Variants in SGCZ observed in about 807,000 individuals in gnomAD.
The protein encoded by SGCZ is sarcoglycan zeta.
SGCZ carries 40 observed loss-of-function variants against 41.3 expected under a neutral mutation model. The observed-to-expected ratio is 0.97, with a 90% CI of 0.75 to 1.26. The LOEUF is 1.26. Among genes scored for constraint, SGCZ ranks in the 50% most tolerant of loss-of-function variants. SGCZ has a pLI of 0.00. For synonymous variants in SGCZ, 206 were observed against 137.5 expected (o/e 1.50, Z -3.49); for missense variants, 552 against 369.8 (o/e 1.49, Z -4.04).
intron 1 of SGCZ, among the ~76,000 whole-genome samples, chr8:14,726,320 ATATC>A (rs747483002): frequency 0.016 from 2,119 of 130,330 alleles, 84 homozygotes; most frequent in African/African-American, 0.061. Flanking sequence ...ACATATATAT[ATATC>A]TATATATATA....
intron 3 of SGCZ, among the ~76,000 whole-genome samples, chr8:14,272,106 C>T (rs562909144): frequency 2.0e-5 from 3 of 152,092 alleles, no homozygotes; most frequent in East Asian, 1.9e-4. Flanking sequence ...CAGGTTCAAG[C>T]GATTCTCCTG....
intron 5 of SGCZ, among the ~76,000 whole-genome samples, chr8:14,117,595 A>G (rs1170182944): frequency 4.0e-5 from 6 of 151,796 alleles, no homozygotes; most frequent in Non-Finnish European, 8.8e-5. Flanking sequence ...TGAAGTTTTT[A>G]TTATCATACT....
intron 1 of SGCZ, among the ~76,000 whole-genome samples, chr8:14,860,337 A>G (rs139957790): frequency 2.6e-5 from 4 of 151,946 alleles, no homozygotes; most frequent in Non-Finnish European, 5.9e-5. Flanking sequence ...CTGATGCATC[A>G]CCACCATCTA....
At chr8:14,607,379 C>G (rs543978847) in intron 1 of SGCZ, among the ~76,000 whole-genome samples, 57 of 152,232 alleles carry the variant, frequency 3.7e-4, no homozygotes, top group African/African-American at 1.3e-3. Flanking sequence ...TTATGAATCT[C>G]TTTTCTAAAG....
intron 2 of SGCZ, among the ~76,000 whole-genome samples, chr8:14,482,599 C>T (rs12549206): frequency 0.73 from 111,527 of 151,950 alleles, 41,845 homozygotes; most frequent in East Asian, 0.95. Context: ...TTACAGGATG[C>T]CCAGATAGTG....
intron 2 of SGCZ, among the ~76,000 whole-genome samples, chr8:14,478,567 T>C (rs1420144049): frequency 6.6e-6 from 1 of 151,278 alleles, no homozygotes; most frequent in Non-Finnish European, 1.5e-5. Flanking sequence ...CAGACGATTT[T>C]TAGGGCAGTG....
At chr8:14,598,491 C>A (rs2410199) in intron 1 of SGCZ, among the ~76,000 whole-genome samples, 90,312 of 147,746 alleles carry the variant, frequency 0.61, 26,986 homozygotes, top group South Asian at 0.74. Context: ...CTCTCTCTCT[C>A]TATATATATA....
At chr8:14,276,782 G>A (rs531534343) in intron 3 of SGCZ, among the ~76,000 whole-genome samples, 130 of 152,254 alleles carry the variant, frequency 8.5e-4, no homozygotes, top group Middle Eastern at 6.8e-3. Flanking sequence ...ATAGGGTCTG[G>A]AGGCAGGAAA....
chr8:14,096,206 T>C (rs1029811029), intron 7 of SGCZ, among the ~76,000 whole-genome samples: 1 of 152,172 alleles, frequency 6.6e-6, no homozygotes. Context: ...TGCTTCCAGT[T>C]TTTGCCCATT....
At chr8:14,629,204 T>C (rs1806563094) in intron 1 of SGCZ, among the ~76,000 whole-genome samples, 1 of 152,158 alleles carries the variant, frequency 6.6e-6, no homozygotes. Context: ...AGCCTTCCAA[T>C]ACTTTGATTA....
At chr8:14,803,684 G>C (rs897578506) in intron 1 of SGCZ, among the ~76,000 whole-genome samples, 26 of 152,072 alleles carry the variant, frequency 1.7e-4, no homozygotes, top group Non-Finnish European at 3.5e-4. Flanking sequence ...GCTTGCTTAG[G>C]TAAACAAAGC....
intron 1 of SGCZ, among the ~76,000 whole-genome samples, chr8:14,578,396 C>T (rs118101198): frequency 6.6e-6 from 1 of 152,178 alleles, no homozygotes; most frequent in African/African-American, 2.4e-5. Context: ...TCTTCCTCAC[C>T]CCTTTGCAAG....
At chr8:14,594,269 T>G (rs1022953392) in intron 1 of SGCZ, among the ~76,000 whole-genome samples, 1 of 151,904 alleles carries the variant, frequency 6.6e-6, no homozygotes, top group Non-Finnish European at 1.5e-5. Flanking sequence ...CCTCCCAAGT[T>G]TGACTTGACA....
At chr8:14,930,416 A>AAGACAGT (rs1799891563) in intron 1 of SGCZ, among the ~76,000 whole-genome samples, 1 of 152,098 alleles carries the variant, frequency 6.6e-6, no homozygotes, top group African/African-American at 2.4e-5. Flanking sequence ...ACCATTGTGG[A>AAGACAGT]AGACAGTGTG....
intron 1 of SGCZ, among the ~76,000 whole-genome samples, chr8:14,622,274 G>A (rs891540106): frequency 6.6e-6 from 1 of 152,158 alleles, no homozygotes; most frequent in Non-Finnish European, 1.5e-5. Flanking sequence ...GTTAAATGTG[G>A]CTGACAAGAC....
chr8:15,157,265 G>A (rs1017591423), intron 1 of SGCZ, among the ~76,000 whole-genome samples: 1 of 151,788 alleles, frequency 6.6e-6, no homozygotes, highest in Non-Finnish European at 1.5e-5. Context: ...AGGCAGGGTG[G>A]CTCATGCCTG....
At chr8:15,158,852 G>C (rs1799411961) in intron 1 of SGCZ, among the ~76,000 whole-genome samples, 2 of 152,150 alleles carry the variant, frequency 1.3e-5, no homozygotes, top group African/African-American at 2.4e-5. Flanking sequence ...ATTATGTGAA[G>C]TCTAAACTCA....
At chr8:15,015,747 G>A (rs1407907598) in intron 1 of SGCZ, among the ~76,000 whole-genome samples, 2 of 150,290 alleles carry the variant, frequency 1.3e-5, no homozygotes, top group South Asian at 2.1e-4. Flanking sequence ...GTGTGTGTGT[G>A]TGTGTGTGTG....
chr8:14,170,429 T>C (rs1804343484), intron 4 of SGCZ, among the ~76,000 whole-genome samples: 1 of 152,132 alleles, frequency 6.6e-6, no homozygotes, highest in Non-Finnish European at 1.5e-5. Flanking sequence ...AATAATAATA[T>C]TAATAAAGGA....
Sources: gnomAD v4.1 joint callset for allele counts (sites outside exome capture counted in the v4.1 genomes callset) on GRCh38, gnomAD v4.1.1 for gene constraint, MANE v1.5 for transcripts, NCBI Gene and HGNC (gene_info 2026-07-23, HGNC 2026-07-21) for gene names.